The following PKHD1 variants were observed in gnomAD, a reference collection of about 807,000 sequenced individuals.
The protein encoded by PKHD1 is fibrocystin.
PKHD1 carries 291 observed loss-of-function variants against 412.0 expected under a neutral mutation model. The ratio of observed to expected loss-of-function variants is 0.71; its 90% CI spans 0.64 to 0.78. PKHD1 has a LOEUF of 0.78. Among genes scored for constraint, PKHD1 ranks in the 30% least tolerant of loss-of-function variants. PKHD1 has a pLI of 0.00. For synonymous variants in PKHD1, 1,777 were observed against 1,821.5 expected, an observed-to-expected ratio of 0.98 and a Z score of 0.62; for missense variants, 4,825 against 4,950.7, an observed-to-expected ratio of 0.97 and a Z score of 0.76.
intron 33 of PKHD1, among the ~76,000 whole-genome samples, chr6:52,020,061 C>G (rs1391577579): frequency 6.6e-6 from 1 of 152,148 alleles, no homozygotes; most frequent in Non-Finnish European, 1.5e-5. Context: ...TGAAACATCA[C>G]TCTATGGTAC....
rs566980304 is a variant in PKHD1, at chr6:51,732,660, T to C, written c.10156+11725A>G. On this transcript the variant is annotated intron_variant, in intron 60 of 66. Transcript: ENST00000371117. The stretch of plus-strand genomic sequence containing the variant: ...AAAATTTCAAGTGTCAACAAGGATG[T>C]GGAGAAACCATTGTGTACTGTTGGT... Among the ~76,000 whole-genome samples the C allele has an allele frequency of 5.9e-5, 9 of 152,322 alleles. No homozygotes were observed. In the South Asian group the frequency reaches 1.9e-3, roughly 32 times the overall value.
At chr6:51,634,366 T>G (rs1768273658) in intron 64 of PKHD1, among the ~76,000 whole-genome samples, 3 of 152,218 alleles carry the variant, frequency 2.0e-5, no homozygotes. Context: ...CATATTTGGC[T>G]TGTTTGTTAT....
At position 51,903,586 on chromosome 6, in the gene PKHD1, GA is replaced by G. The variant is rs1781600286; in HGVS notation, c.6996+10del. 6.2e-7 allele frequency: 1 copy of G among 1,607,618 alleles called. No individual in the cohort carries two copies. Among genetic ancestry groups the G allele is most frequent in the African/African-American group, 1.3e-5 (1 of 74,750 alleles). Reference sequence around the variant, plus strand: ...CAGTTCTGGTCTTCCTGGTAGAGCTGAACATCTTACCTCTATAACATTGGTG... The same window carrying G: ...CAGTTCTGGTCTTCCTGGTAGAGCTGACATCTTACCTCTATAACATTGGTG... On this transcript the variant is annotated intron_variant, in intron 43 of 66. Transcript: ENST00000371117.
rs774759689 is a variant in PKHD1 at position 52,017,525 on chromosome 6, G to A, written c.5485C>T (p.Gln1829Ter). Residue 1829 changes from glutamine (Q) to a stop codon, truncating the protein, a stop_gained, in exon 34 of 67, where the codon CAA becomes TAA. Transcript: ENST00000371117. LOFTEE classifies it high-confidence loss of function. The stretch of plus-strand genomic sequence containing the variant: ...AGGTAAGGCCACGATTCAAGCAGTT[G>A]CTCTGTCGCCATGGCAACTGTCAAA... ...CDLTVAMATE[Q>*]LLESWPYLYI... is the part of the protein sequence containing the mutation. 3 of 1,613,830 alleles carry A rather than the reference G, an allele frequency of 1.9e-6. No homozygotes were observed. Among genetic ancestry groups the A allele is most frequent in the Admixed American group, 3.3e-5 (2 of 60,004 alleles).
intron 60 of PKHD1, among the ~76,000 whole-genome samples, chr6:51,681,357 C>T (rs894577502): frequency 6.6e-6 from 1 of 152,048 alleles, no homozygotes; most frequent in East Asian, 1.9e-4. Flanking sequence ...TGAATAAACA[C>T]AGGCCTTAGC....
intron 34 of PKHD1, among the ~76,000 whole-genome samples, chr6:52,012,370 A>T (rs1181631906): frequency 6.6e-6 from 1 of 152,170 alleles, no homozygotes; most frequent in African/African-American, 2.4e-5. Context: ...GGAAATTTAC[A>T]TTTATTATTG....
chr6:51,923,533 A>G (rs1785048044), intron 37 of PKHD1, among the ~76,000 whole-genome samples: 1 of 152,006 alleles, frequency 6.6e-6, no homozygotes, highest in South Asian at 2.1e-4. Context: ...AAAAAAAACA[A>G]TAAAAGTACC....
chr6:51,741,059 T>C, intron 60 of PKHD1: 3 of 518,094 alleles, frequency 5.8e-6, no homozygotes, highest in South Asian at 2.8e-5. Context: ...ATATTACTCA[T>C]GGAGTTTTAC....
chr6:51,923,806 G>A (rs1473118893), intron 37 of PKHD1, among the ~76,000 whole-genome samples: 1 of 152,158 alleles, frequency 6.6e-6, no homozygotes, highest in Non-Finnish European at 1.5e-5. Flanking sequence ...TAAAATTGAG[G>A]AGACTGTTTC....
chr6:51,666,192 A>C (rs527983263), intron 60 of PKHD1, among the ~76,000 whole-genome samples: 2 of 152,314 alleles, frequency 1.3e-5, no homozygotes, highest in South Asian at 4.1e-4. Flanking sequence ...CAAAGATATC[A>C]ATTCAAAATT....
intron 54 of PKHD1, 37 bp from the exon 55 acceptor site, chr6:51,772,826 C>G (rs768522353): frequency 1.7e-6 from 2 of 1,167,116 alleles, no homozygotes; most frequent in Admixed American, 3.4e-5. Context: ...ATAGAAAAAT[C>G]CTTCAGAGGA....
chr6:52,050,064 G>A (rs1806538344), intron 22 of PKHD1, 93 bp downstream of exon 22: 3 of 1,185,266 alleles, frequency 2.5e-6, no homozygotes, highest in African/African-American at 1.5e-5. Context: ...CAACAAGACA[G>A]GTAGCTTTTC....
chr6:51,962,409 T>C (rs1038878992), intron 35 of PKHD1, among the ~76,000 whole-genome samples: 2 of 152,136 alleles, frequency 1.3e-5, no homozygotes, highest in African/African-American at 4.8e-5. Flanking sequence ...CAGATATCTG[T>C]TATCTAGCTC....
At chr6:51,778,118 TCAATCTAG>T (rs1352843556) in intron 53 of PKHD1, among the ~76,000 whole-genome samples, 1 of 98,004 alleles carries the variant, frequency 1.0e-5, no homozygotes, top group African/African-American at 3.0e-5. Context: ...CATTTTCTTC[TCAATCTAG>T]CAATCAAAGA....
At chr6:51,824,130 A>T (rs1354109874) in intron 52 of PKHD1, among the ~76,000 whole-genome samples, 1 of 152,114 alleles carries the variant, frequency 6.6e-6, no homozygotes, top group Non-Finnish European at 1.5e-5. Flanking sequence ...TTAGATTATT[A>T]TTAGTTGGAT....
chr6:51,909,408 C>G lies in PKHD1; in HGVS notation c.6557G>C (p.Arg2186Thr), dbSNP rs375436864. 85 of 1,613,406 alleles carry G rather than the reference C, an allele frequency of 5.3e-5. No homozygotes were observed. Among genetic ancestry groups the G allele is most frequent in the Non-Finnish European group, 7.1e-5 (84 of 1,179,562 alleles). Residue 2186 changes from arginine to threonine, a missense_variant, in exon 40 of 67, where the codon AGA becomes ACA. Arg to Thr is a moderately conservative substitution (Grantham distance 71). Transcript: ENST00000371117. ...TTCTGGGAAGGACTGAACGATCACT[C>G]TGGCTCCCATATCCCTGGATCCTAG... ...KMLGSRDMGA[R>T]VIVQSFPEEP... is the part of the protein sequence containing the mutation.
rs746058715 is a variant in PKHD1 at position 52,045,998 on chromosome 6, A to T, written c.2592+6T>A. ...TCCATGCCACTAGAAGGGATACTAT[A>T]CATACCCTGATAAAATTGGGCAAAT... On this transcript the variant is annotated splice_donor_region_variant and intron_variant, in intron 24 of 66. Transcript: ENST00000371117. The T allele has an allele frequency of 1.2e-6, 2 of 1,606,220 alleles. No individual in the cohort carries two copies. Among genetic ancestry groups the T allele is most frequent in the South Asian group, 2.2e-5 (2 of 90,872 alleles).
At chr6:51,755,808 C>T (rs562463463) in intron 55 of PKHD1, among the ~76,000 whole-genome samples, 12 of 152,100 alleles carry the variant, frequency 7.9e-5, no homozygotes, top group Non-Finnish European at 1.8e-4. Flanking sequence ...AATCATGCAA[C>T]CTTTATTGAC....
At chr6:51,831,668 TC>T (rs1421005020) in intron 51 of PKHD1, among the ~76,000 whole-genome samples, 1 of 152,132 alleles carries the variant, frequency 6.6e-6, no homozygotes, top group Non-Finnish European at 1.5e-5. Flanking sequence ...GTGATGTTCT[TC>T]CCACAGCTCT....
Sources: gnomAD v4.1 joint callset for allele counts (sites outside exome capture counted in the v4.1 genomes callset) on GRCh38, gnomAD v4.1.1 for gene constraint, MANE v1.5 for transcripts, NCBI Gene and HGNC (gene_info 2026-07-23, HGNC 2026-07-21) for gene names.